MEIKIN: variants seen among roughly 807,000 people sequenced by gnomAD.
MEIKIN encodes the protein meiotic kinetochore factor, also known as meiosis-specific kinetochore protein.
chr5:131,893,336 C>T (rs1750970253), intron 8 of MEIKIN, among the ~76,000 whole-genome samples: 1 of 152,216 alleles, frequency 6.6e-6, no homozygotes, highest in Non-Finnish European at 1.5e-5. Flanking sequence ...AGTTTGATCT[C>T]AGACTGCTGT....
chr5:131,820,376 C>T lies in MEIKIN; in HGVS notation c.976-1513G>A, dbSNP rs577536872. ...TGCTGGGATTACAGATGTGAACCAC[C>T]GTGCCTGGCTGATAAATGATCTTTC... On this transcript the variant is annotated intron_variant, in intron 11 of 12. Coordinates refer to ENST00000442687, the MANE Select transcript of MEIKIN (RefSeq NM_001303622.2). Among the ~76,000 whole-genome samples the T allele has an allele frequency of 7.2e-5, 11 of 152,282 alleles. No homozygotes were observed. The South Asian group carries it at 1.7e-3, about 23-fold the overall frequency.
In MEIKIN at chr5:131,933,378, A is replaced by G. The variant is rs1451558482; in HGVS notation, c.478+135T>C. ...GACTGGGAATGAAACACAACGGGTAATGGTCAGGGAAGTGAGGTGTTGGTG... is the reference window on the plus strand; with the variant it reads ...GACTGGGAATGAAACACAACGGGTAGTGGTCAGGGAAGTGAGGTGTTGGTG... On this transcript the variant is annotated intron_variant, in intron 5 of 12. Transcript: ENST00000442687. The G allele has an allele frequency of 1.6e-5, 6 of 377,196 alleles. No individual in the cohort carries two copies. In the Admixed American group the frequency reaches 2.3e-4, roughly 14 times the overall value. 23.4% of individuals were successfully genotyped at this position (377,196 alleles called of 1,614,324 possible). A position where few individuals can be genotyped will look rare whatever the true frequency, so the allele number is the denominator to read the frequency against.
At chr5:131,849,152 G>A (rs554295384) in intron 11 of MEIKIN, among the ~76,000 whole-genome samples, 1 of 152,236 alleles carries the variant, frequency 6.6e-6, no homozygotes, top group Non-Finnish European at 1.5e-5. Context: ...GTGGGCCCTG[G>A]TGGGAGGTGA....
At position 131,890,677 on chromosome 5, in the gene MEIKIN, T is replaced by C. The variant is rs1561746170; in HGVS notation, c.704-11629A>G. ...CTTTTCAAAAAACCAGCTCCTGGAT[T>C]CATTGATTTTTTGAAGGGCTTTTTG... On this transcript the variant is annotated intron_variant, in intron 8 of 12. Transcript: ENST00000442687. Among the ~76,000 whole-genome samples, 4 of 152,240 alleles carry C rather than the reference T, an allele frequency of 2.6e-5. No individual in the cohort carries two copies. The South Asian group carries it at 8.3e-4, about 31-fold the overall frequency.
intron 4 of MEIKIN, among the ~76,000 whole-genome samples, chr5:131,936,467 T>C (rs1448582762): frequency 6.6e-6 from 1 of 152,256 alleles, no homozygotes; most frequent in Non-Finnish European, 1.5e-5. Flanking sequence ...CCAAGCCCTA[T>C]ACTGTGGGCC....
At chr5:131,871,152 G>A (rs1432731441) in intron 9 of MEIKIN, among the ~76,000 whole-genome samples, 2 of 152,184 alleles carry the variant, frequency 1.3e-5, no homozygotes, top group African/African-American at 4.8e-5. Flanking sequence ...GATAGTGGGT[G>A]CCGGACAGTG....
At chr5:131,892,257 T>A (rs1267430035) in intron 8 of MEIKIN, among the ~76,000 whole-genome samples, 1 of 152,230 alleles carries the variant, frequency 6.6e-6, no homozygotes, top group Non-Finnish European at 1.5e-5. Flanking sequence ...ATGTGAATGT[T>A]GACCTGCCTT....
chr5:131,933,985 GC>G (rs1362706056), intron 4 of MEIKIN, among the ~76,000 whole-genome samples: 1 of 151,650 alleles, frequency 6.6e-6, no homozygotes, highest in African/African-American at 2.4e-5. Flanking sequence ...TCACTCTATA[GC>G]CCAGGGTGGA....
At chr5:131,850,722 T>A (rs979359735) in intron 11 of MEIKIN, among the ~76,000 whole-genome samples, 1 of 151,604 alleles carries the variant, frequency 6.6e-6, no homozygotes, top group African/African-American at 2.4e-5. Context: ...CAAAAAAAAA[T>A]TGAAGAAAAT....
chr5:131,809,913 A>G (rs1279507886), intron 12 of MEIKIN, among the ~76,000 whole-genome samples: 3 of 152,222 alleles, frequency 2.0e-5, no homozygotes, highest in Non-Finnish European at 2.9e-5. Flanking sequence ...ATAGAAACAA[A>G]TAATTATTGC....
chr5:131,844,972 C>T (rs1030166469), intron 11 of MEIKIN, among the ~76,000 whole-genome samples: 4 of 152,044 alleles, frequency 2.6e-5, no homozygotes, highest in Admixed American at 1.3e-4. Flanking sequence ...AAAACAATTA[C>T]AAAAGATGCC....
In MEIKIN at chr5:131,845,271, T is replaced by C. The variant is rs111642262; in HGVS notation, c.975+5993A>G. Among the ~76,000 whole-genome samples the C allele has an allele frequency of 1.6e-3, 123 of 77,550 alleles. 1 individual carries two copies. In the African/African-American group the frequency reaches 0.018, roughly 11 times the overall value. 50.9% of individuals were successfully genotyped at this position (77,550 alleles called of 152,430 possible). ...GGTGACAGAGCGAGAAGACTTCGTC[T>C]TAAAAAAAAAAAAAAAAAAAAAAAA... On this transcript the variant is annotated intron_variant, in intron 11 of 12. Transcript: ENST00000442687.
At chr5:131,913,944 G>C (rs552303042) in intron 7 of MEIKIN, among the ~76,000 whole-genome samples, 7 of 152,304 alleles carry the variant, frequency 4.6e-5, no homozygotes, top group Admixed American at 3.9e-4. Flanking sequence ...GTAGTATTGA[G>C]AGACAGGGTC....
intron 9 of MEIKIN, 106 bp downstream of exon 9, chr5:131,878,872 T>C (rs1422482170): frequency 3.2e-6 from 1 of 316,326 alleles, no homozygotes; most frequent in Admixed American, 7.0e-5. Flanking sequence ...GAGACCCCAT[T>C]TCTTAAAAAA....
chr5:131,850,519 C>T (rs1750094732), intron 11 of MEIKIN, among the ~76,000 whole-genome samples: 1 of 151,952 alleles, frequency 6.6e-6, no homozygotes, highest in African/African-American at 2.4e-5. Context: ...AGGAATAAAC[C>T]CTCACATATA....
At chr5:131,861,428 A>T (rs990482928) in intron 9 of MEIKIN, among the ~76,000 whole-genome samples, 3 of 152,020 alleles carry the variant, frequency 2.0e-5, no homozygotes, top group Non-Finnish European at 4.4e-5. Flanking sequence ...GAAGAGGGTC[A>T]ATTTGAGTTC....
intron 11 of MEIKIN, among the ~76,000 whole-genome samples, chr5:131,841,234 C>T (rs180862483): frequency 7.4e-4 from 113 of 152,150 alleles, no homozygotes; most frequent in Middle Eastern, 3.4e-3. Context: ...AGAGTGGTTG[C>T]GGGGGTGAGG....
chr5:131,864,440 A>T (rs1156864648), intron 9 of MEIKIN, among the ~76,000 whole-genome samples: 2 of 152,078 alleles, frequency 1.3e-5, no homozygotes, highest in African/African-American at 4.8e-5. Context: ...TCGGCATTTG[A>T]TTGTCTGGGA....
At chr5:131,929,252 T>C (rs1001227872) in intron 5 of MEIKIN, among the ~76,000 whole-genome samples, 8 of 152,246 alleles carry the variant, frequency 5.3e-5, no homozygotes, top group Non-Finnish European at 1.0e-4. Flanking sequence ...TTTTGACAAC[T>C]CATTTATACT....
Sources: allele counts gnomAD v4.1 joint callset (sites outside exome capture counted in the v4.1 genomes callset), GRCh38; gene constraint gnomAD v4.1.1; transcripts MANE v1.5; gene names NCBI Gene and HGNC (gene_info 2026-07-23, HGNC 2026-07-21).